MSRA: variants seen among roughly 807,000 people sequenced by gnomAD.
MSRA encodes the protein methionine sulfoxide reductase A.
In MSRA, 54 loss-of-function variants were observed where a neutral mutation model predicts 31.3. That is an observed-to-expected ratio of 1.73 (90% CI 1.39 to 2.17). The LOEUF (loss-of-function observed/expected upper bound fraction) is 2.17. Ranked by LOEUF, MSRA falls within the 30% of genes most tolerant of loss-of-function variation. The pLI is 0.00. For synonymous variants in MSRA, 169 were observed against 116.5 expected (o/e 1.45, Z -2.90); for missense variants, 507 against 300.9 (o/e 1.69, Z -5.07).
At chr8:10,108,610 A>T (rs1352856531) in intron 1 of MSRA, among the ~76,000 whole-genome samples, 1 of 152,168 alleles carries the variant, frequency 6.6e-6, no homozygotes, top group African/African-American at 2.4e-5. Flanking sequence ...TTCATTTTAT[A>T]AACACCCCGA....
At chr8:10,098,481 C>T (rs1799320655) in intron 1 of MSRA, among the ~76,000 whole-genome samples, 1 of 152,120 alleles carries the variant, frequency 6.6e-6, no homozygotes, top group Non-Finnish European at 1.5e-5. Context: ...GTTTATTGAG[C>T]ACTCACTTAA....
intron 5 of MSRA, among the ~76,000 whole-genome samples, chr8:10,399,814 G>A (rs2129183365): frequency 6.6e-6 from 1 of 152,302 alleles, no homozygotes; most frequent in East Asian, 1.9e-4. Context: ...GATTAGTGCT[G>A]TTATTGCTGT....
At chr8:10,294,266 C>T (rs1800409256) in intron 3 of MSRA, among the ~76,000 whole-genome samples, 1 of 151,890 alleles carries the variant, frequency 6.6e-6, no homozygotes, top group Middle Eastern at 3.2e-3. Flanking sequence ...ACATAGATTC[C>T]CTGACCAAGG....
chr8:10,365,542 G>C (rs60937041), intron 5 of MSRA, among the ~76,000 whole-genome samples: 1 of 152,098 alleles, frequency 6.6e-6, no homozygotes, highest in African/African-American at 2.4e-5. Context: ...ACTAGCATTT[G>C]ATGGAGAGTT....
At chr8:10,351,370 C>T (rs1804136503) in intron 5 of MSRA, among the ~76,000 whole-genome samples, 1 of 151,380 alleles carries the variant, frequency 6.6e-6, no homozygotes, top group African/African-American at 2.4e-5. Context: ...TCTCCTGCTC[C>T]AGCCTCCCAG....
chr8:10,118,976 A>T (rs1800895947), intron 1 of MSRA, among the ~76,000 whole-genome samples: 2 of 152,216 alleles, frequency 1.3e-5, no homozygotes, highest in Admixed American at 6.5e-5. Flanking sequence ...CCTCCAGATG[A>T]TCTCAGCGTT....
chr8:10,122,253 G>C (rs1035507309), intron 1 of MSRA, among the ~76,000 whole-genome samples: 20 of 152,154 alleles, frequency 1.3e-4, no homozygotes, highest in African/African-American at 4.1e-4. Flanking sequence ...GAAACCTGTG[G>C]AGGAAAATGC....
intron 5 of MSRA, among the ~76,000 whole-genome samples, chr8:10,400,587 C>G (rs1271195491): frequency 6.6e-6 from 1 of 152,170 alleles, no homozygotes; most frequent in Non-Finnish European, 1.5e-5. Context: ...GAGGCTGTAA[C>G]AAGCTGACCG....
chr8:10,264,751 C>T (rs528212511), intron 3 of MSRA, among the ~76,000 whole-genome samples: 71 of 152,196 alleles, frequency 4.7e-4, no homozygotes, highest in Middle Eastern at 6.8e-3. Context: ...GATGAATGGG[C>T]GAGGGAGACA....
intron 1 of MSRA, among the ~76,000 whole-genome samples, chr8:10,144,393 A>T (rs1802959955): frequency 6.6e-6 from 1 of 152,144 alleles, no homozygotes. Flanking sequence ...AACCAGCGTA[A>T]TAGTAGTACC....
intron 5 of MSRA, among the ~76,000 whole-genome samples, chr8:10,328,126 C>G (rs1256662502): frequency 2.0e-5 from 3 of 148,328 alleles, no homozygotes; most frequent in African/African-American, 7.6e-5. Flanking sequence ...CTCCAGATCC[C>G]CATAACAAAC....
intron 1 of MSRA, among the ~76,000 whole-genome samples, chr8:10,150,960 G>A (rs1412602266): frequency 6.6e-6 from 1 of 152,098 alleles, no homozygotes; most frequent in Non-Finnish European, 1.5e-5. Flanking sequence ...CACCACTGGT[G>A]GTATTGATTT....
intron 1 of MSRA, among the ~76,000 whole-genome samples, chr8:10,125,948 T>C (rs893008629): frequency 6.6e-6 from 1 of 152,158 alleles, no homozygotes; most frequent in Non-Finnish European, 1.5e-5. Context: ...GGTCACAACT[T>C]TTATGATTTG....
chr8:10,148,721 G>C (rs1436648479), intron 1 of MSRA, among the ~76,000 whole-genome samples: 1 of 140,572 alleles, frequency 7.1e-6, no homozygotes, highest in African/African-American at 2.5e-5. Context: ...AGGATTGCTT[G>C]AACCCAGGAG....
chr8:10,310,892 C>G (rs1235316605), intron 4 of MSRA, among the ~76,000 whole-genome samples: 2 of 152,174 alleles, frequency 1.3e-5, no homozygotes, highest in Non-Finnish European at 2.9e-5. Flanking sequence ...ATGTCCATTA[C>G]AATTTTATAA....
chr8:10,250,746 A>G (rs1313790934), intron 3 of MSRA: 9 of 457,870 alleles, frequency 2.0e-5, no homozygotes, highest in African/African-American at 1.2e-4. Flanking sequence ...ATTTACTGTC[A>G]GGTGCTTATG....
chr8:10,247,786 G>A (rs187581775), intron 3 of MSRA, among the ~76,000 whole-genome samples: 10 of 152,192 alleles, frequency 6.6e-5, no homozygotes, highest in Admixed American at 4.6e-4. Context: ...TTTTGTTGTT[G>A]TTGTTCTGAT....
At chr8:10,415,642 C>T (rs1198756560) in intron 5 of MSRA, among the ~76,000 whole-genome samples, 1 of 152,106 alleles carries the variant, frequency 6.6e-6, no homozygotes, top group Non-Finnish European at 1.5e-5. Context: ...TCTGCTGGGT[C>T]GCCCTCACCC....
At chr8:10,161,600 C>G (rs866938129) in intron 1 of MSRA, among the ~76,000 whole-genome samples, 1 of 152,178 alleles carries the variant, frequency 6.6e-6, no homozygotes, top group South Asian at 2.1e-4. Flanking sequence ...ACAATCTCAA[C>G]AAATGGTGAT....
Sources: gnomAD v4.1 joint callset for allele counts (sites outside exome capture counted in the v4.1 genomes callset) on GRCh38, gnomAD v4.1.1 for gene constraint, MANE v1.5 for transcripts, NCBI Gene and HGNC (gene_info 2026-07-23, HGNC 2026-07-21) for gene names.